The following PTBP3 variants were observed in gnomAD, a reference collection of about 807,000 sequenced individuals.
PTBP3 encodes polypyrimidine tract binding protein 3.
PTBP3 carries 20 observed loss-of-function variants against 58.7 expected under a neutral mutation model. The observed-to-expected ratio is 0.34, with a 90% CI of 0.24 to 0.50. PTBP3 has a LOEUF of 0.50. Ranked by LOEUF, PTBP3 falls within the 20% of genes least tolerant of loss-of-function variation. The pLI is 0.98. For synonymous variants in PTBP3, 185 were observed against 219.8 expected (o/e 0.84, Z 1.40); for missense variants, 509 against 637.2 (o/e 0.80, Z 2.17).
chr9:112,300,784 C>T (rs951750789), intron 1 of PTBP3, among the ~76,000 whole-genome samples: 17 of 151,592 alleles, frequency 1.1e-4, no homozygotes, highest in Non-Finnish European at 2.2e-4. Context: ...AGAATACACG[C>T]TATATTGTTG....
chr9:112,220,150 G>C lies in PTBP3; in HGVS notation c.*3701C>G. The C allele has an allele frequency of 7.6e-7, 1 of 1,311,290 alleles. No homozygotes were observed. Among genetic ancestry groups the C allele is most frequent in the Non-Finnish European group, 1.0e-6 (1 of 1,000,840 alleles). 81.2% of individuals were successfully genotyped at this position (1,311,290 alleles called of 1,614,324 possible). ...CATTAGGTTTTCTAAGGGATAGGTG[G>C]GGAAAAACACATGTACTTTTGTCAA... On this transcript the variant is annotated 3_prime_UTR_variant, in exon 14 of 14. Transcript: ENST00000374257.
intron 1 of PTBP3, 124 bp downstream of exon 1, chr9:112,333,346 C>A (rs1360464503): frequency 3.1e-5 from 37 of 1,182,994 alleles, no homozygotes; most frequent in Middle Eastern, 6.2e-4. Context: ...CGGGCTTGGC[C>A]GGGGCCGCTC....
At chr9:112,291,608 C>T (rs1462951929) in intron 2 of PTBP3, among the ~76,000 whole-genome samples, 6 of 152,046 alleles carry the variant, frequency 3.9e-5, no homozygotes, top group Admixed American at 2.0e-4. Flanking sequence ...CAAGGCTACA[C>T]GATAGGAAAA....
intron 5 of PTBP3, among the ~76,000 whole-genome samples, chr9:112,254,635 A>G (rs1836272088): frequency 6.6e-6 from 1 of 152,230 alleles, no homozygotes; most frequent in African/African-American, 2.4e-5. Flanking sequence ...GATGCTCAAT[A>G]TCACTAATCA....
At chr9:112,267,586 C>A (rs542870767) in intron 4 of PTBP3, among the ~76,000 whole-genome samples, 1 of 152,220 alleles carries the variant, frequency 6.6e-6, no homozygotes, top group African/African-American at 2.4e-5. Context: ...ATCAAAATAA[C>A]AGAAAAATGG....
At chr9:112,352,686 C>T in the PTBP3 span, among the ~76,000 whole-genome samples, 3 of 152,140 alleles carry the variant, frequency 2.0e-5, no homozygotes, top group East Asian at 1.9e-4. Flanking sequence ...AAAAATGGCA[C>T]GGAGTGACTA....
intron 1 of PTBP3, chr9:112,330,483 A>G (rs1014060341): frequency 6.6e-7 from 1 of 1,514,460 alleles, no homozygotes; most frequent in Admixed American, 2.0e-5. Context: ...CACTGTATGG[A>G]AAAAGTAAAA....
chr9:112,352,907 C>CT, the PTBP3 span, among the ~76,000 whole-genome samples: 87 of 145,562 alleles, frequency 6.0e-4, no homozygotes, highest in African/African-American at 7.0e-4. Flanking sequence ...TCTTTTTTTT[C>CT]TTTTTTTTTT....
At chr9:112,257,566 A>G (rs1836422147) in intron 5 of PTBP3, among the ~76,000 whole-genome samples, 1 of 152,226 alleles carries the variant, frequency 6.6e-6, no homozygotes, top group Non-Finnish European at 1.5e-5. Flanking sequence ...AAATTCTGAT[A>G]AAATTCATCT....
intron 1 of PTBP3, among the ~76,000 whole-genome samples, chr9:112,331,082 AACACACACACACACACACAC>A (rs10660591): frequency 5.7e-5 from 8 of 139,430 alleles, no homozygotes; most frequent in East Asian, 2.1e-4. Context: ...GGAGGAAACG[AACACACACACACACACACAC>A]ACACACACAC....
chr9:112,245,139 T>C (rs12342717), intron 7 of PTBP3, among the ~76,000 whole-genome samples: 9,002 of 152,152 alleles, frequency 0.059, 777 homozygotes, highest in African/African-American at 0.19. Context: ...CAAAACCCTG[T>C]CTCTACAAAA....
rs911962977 is a variant in PTBP3 at position 112,222,082 on chromosome 9, C to T, written c.*1769G>A. On this transcript the variant is annotated 3_prime_UTR_variant, in exon 14 of 14. Coordinates refer to ENST00000374257, the MANE Select transcript of PTBP3 (RefSeq NM_001163788.4). ...GTAGCTGGGACTACAGGCGCACAGG[C>T]GCACACCACCATGCCCAGCAAGATA... is the stretch of plus-strand genomic sequence containing the variant. 9.2e-6 allele frequency: 9 copies of T among 982,822 alleles called. No homozygotes were observed. The African/African-American group carries it at 1.2e-4, about 13-fold the overall frequency. 60.9% of individuals were successfully genotyped at this position (982,822 alleles called of 1,614,324 possible).
intron 1 of PTBP3, among the ~76,000 whole-genome samples, chr9:112,325,216 T>G (rs140313741): frequency 1.2e-3 from 188 of 152,344 alleles, no homozygotes; most frequent in African/African-American, 3.5e-3. Flanking sequence ...CAGGTCATCA[T>G]GCACAGGAGG....
intron 2 of PTBP3, among the ~76,000 whole-genome samples, chr9:112,285,754 G>C (rs6477909): frequency 0.85 from 129,286 of 152,236 alleles, 55,316 homozygotes; most frequent in African/African-American, 0.95. Flanking sequence ...TATTTTTCAC[G>C]ATTTTAAATT....
chr9:112,325,398 C>T (rs1333955774), intron 1 of PTBP3, among the ~76,000 whole-genome samples: 2 of 152,130 alleles, frequency 1.3e-5, no homozygotes, highest in African/African-American at 4.8e-5. Context: ...GCCTGGTATT[C>T]AACCTGAGGT....
At chr9:112,247,626 A>T (rs1273484841) in intron 7 of PTBP3, among the ~76,000 whole-genome samples, 1 of 152,080 alleles carries the variant, frequency 6.6e-6, no homozygotes, top group Non-Finnish European at 1.5e-5. Context: ...CTAAGGCAGG[A>T]GGATCGCTTG....
chr9:112,250,715 T>C (rs1836075749), intron 7 of PTBP3, among the ~76,000 whole-genome samples: 1 of 152,178 alleles, frequency 6.6e-6, no homozygotes, highest in African/African-American at 2.4e-5. Flanking sequence ...GAAAATAAAT[T>C]TGTAACTCAA....
chr9:112,268,989 A>T (rs1827249146), intron 3 of PTBP3, among the ~76,000 whole-genome samples: 1 of 152,046 alleles, frequency 6.6e-6, no homozygotes, highest in Non-Finnish European at 1.5e-5. Context: ...CGAGGTCAGG[A>T]GTTCAAGGCC....
chr9:112,256,711 T>C (rs1265043930), intron 5 of PTBP3, among the ~76,000 whole-genome samples: 1 of 151,942 alleles, frequency 6.6e-6, no homozygotes, highest in African/African-American at 2.4e-5. Flanking sequence ...TTTTTAGAGA[T>C]GGGGTCTCGC....
Sources: allele counts gnomAD v4.1 joint callset (sites outside exome capture counted in the v4.1 genomes callset), GRCh38; gene constraint gnomAD v4.1.1; transcripts MANE v1.5; gene names NCBI Gene and HGNC (gene_info 2026-07-23, HGNC 2026-07-21).